EMP3: variants seen among roughly 807,000 people sequenced by gnomAD.
The protein encoded by EMP3 is epithelial membrane protein 3.
Under a neutral mutation model 21.6 loss-of-function variants are expected in EMP3, and 15 were observed. The observed-to-expected ratio is 0.69, with a 90% CI of 0.46 to 1.07. The LOEUF (loss-of-function observed/expected upper bound fraction) is 1.07, where lower values mean the gene tolerates loss of function less well. Ranked by LOEUF, EMP3 falls within the 50% of genes least tolerant of loss-of-function variation. EMP3 has a pLI of 0.00. For missense variants in EMP3, 183 were observed against 206.6 expected, an observed-to-expected ratio of 0.89 and a Z score of 0.70; for synonymous variants, 107 against 86.1, an observed-to-expected ratio of 1.24 and a Z score of -1.34.
chr19:48,327,978 TGCATTTTTA>T (rs1969152576), intron 3 of EMP3, among the ~76,000 whole-genome samples: 1 of 151,996 alleles, frequency 6.6e-6, no homozygotes, highest in African/African-American at 2.4e-5. Flanking sequence ...TGGCTAATTT[TGCATTTTTA>T]GTAGAGACAG....
intron 3 of EMP3, among the ~76,000 whole-genome samples, chr19:48,328,194 G>A (rs1315798640): frequency 2.0e-5 from 3 of 151,954 alleles, no homozygotes; most frequent in South Asian, 2.1e-4. Flanking sequence ...GGTAGATCAC[G>A]AGGCCAGGAG....
chr19:48,328,069 G>A (rs928849048), intron 3 of EMP3, among the ~76,000 whole-genome samples: 3 of 152,086 alleles, frequency 2.0e-5, no homozygotes, highest in Non-Finnish European at 2.9e-5. Flanking sequence ...GCCTCCCAAA[G>A]TGCTGAGATT....
intron 1 of EMP3, among the ~76,000 whole-genome samples, chr19:48,326,492 A>AT (rs1569016990): frequency 9.1e-6 from 1 of 109,974 alleles, no homozygotes; most frequent in Non-Finnish European, 2.0e-5. Context: ...CTTTATGCCA[A>AT]ATTTTTTTTT....
chr19:48,329,568 G>A lies in EMP3; in HGVS notation c.322+76G>A, dbSNP rs1026540191. 4.7e-5 allele frequency: 74 copies of A among 1,565,644 alleles called. No homozygotes were observed. The highest frequency in any genetic ancestry group is 6.1e-5 in the Non-Finnish European group (70 of 1,151,786). On this transcript the variant is annotated intron_variant, in intron 4 of 4. Transcript: ENST00000270221. The surrounding 1 kb of genome is among the most constrained non-coding windows in gnomAD (Gnocchi z 4.5). ...GAGTGGGGTGTGTCAAGATGCTGGGGGCCCTGAGAATGGGCCTCTCGTAGA... is the reference window on the plus strand; with the variant it reads ...GAGTGGGGTGTGTCAAGATGCTGGGAGCCCTGAGAATGGGCCTCTCGTAGA...
Position 48,327,633 on chromosome 19 carries a change from G to A in EMP3, c.181+10G>A. On this transcript the variant is annotated intron_variant, in intron 3 of 4. Coordinates refer to ENST00000270221, the MANE Select transcript of EMP3 (RefSeq NM_001425.3). ...AATGTCAGCGAGAATGGTGAGGGGT[G>A]AGGGCGGCGGGACTGGTCTTCAAAG... 6.2e-7 allele frequency: 1 copy of A among 1,611,696 alleles called. No homozygotes were observed. The highest frequency in any genetic ancestry group is 8.5e-7 in the Non-Finnish European group (1 of 1,178,546).
In EMP3 at chr19:48,329,386, C is replaced by G; in HGVS notation, c.216C>G (p.Leu72=). The change falls in exon 4 of 5, where the codon CTC becomes CTG. Residue 72 remains leucine, a synonymous_variant. Coordinates refer to ENST00000270221, the MANE Select transcript of EMP3 (RefSeq NM_001425.3). The surrounding 1 kb of genome is among the most constrained non-coding windows in gnomAD (Gnocchi z 4.5). Reference sequence around the variant, plus strand: ...AGGCGGTGCAGGTCCTCATGGTGCTCTCCCTCATTCTCTGCTGTCTCTCCT... The same window carrying G: ...AGGCGGTGCAGGTCCTCATGGTGCTGTCCCTCATTCTCTGCTGTCTCTCCT... The part of the protein sequence containing the change: ...WLKAVQVLMV[L]SLILCCLSFI... 1.2e-6 allele frequency: 2 copies of G among 1,614,102 alleles called. No individual in the cohort carries two copies. Among genetic ancestry groups the G allele is most frequent in the Non-Finnish European group, 1.7e-6 (2 of 1,180,022 alleles).
intron 2 of EMP3, 61 bp from the exon 3 acceptor site, chr19:48,327,460 C>T (rs1201184124): frequency 4.0e-5 from 51 of 1,288,450 alleles, no homozygotes; most frequent in Non-Finnish European, 5.7e-5. Flanking sequence ...CACAGTCTGC[C>T]TGACCCTATC....
chr19:48,327,933 G>A (rs1261744462), intron 3 of EMP3: 6 of 319,172 alleles, frequency 1.9e-5, no homozygotes, highest in South Asian at 6.6e-5. Context: ...TCAGCCTCCC[G>A]AGTAGCTGGG....
At position 48,329,055 on chromosome 19, in the gene EMP3, G is replaced by C. The variant is rs139093169; in HGVS notation, c.182-297G>C. 6.6e-6 allele frequency among the ~76,000 whole-genome samples: 1 copy of C among 152,264 alleles called. No homozygotes were observed. The highest frequency in any genetic ancestry group is 2.4e-5 in the African/African-American group (1 of 41,554). On this transcript the variant is annotated intron_variant, in intron 3 of 4. Transcript: ENST00000270221. The surrounding 1 kb of genome is among the most constrained non-coding windows in gnomAD (Gnocchi z 4.5). ...GAGAATTTCTTGAGCCCTGAAGGAC[G>C]AGGCTGCAGTGAGCCATGATTATAC...
Position 48,330,273 on chromosome 19 carries a change from C to T in EMP3, c.323-28C>T, listed in dbSNP as rs1435907649. 2.6e-6 allele frequency: 4 copies of T among 1,554,626 alleles called. No individual in the cohort carries two copies. The Admixed American group carries it at 5.9e-5, about 23-fold the overall frequency. ...GAAATGTAGTCTTGAGGGGGCACTG[C>T]ATGACGTGTGGTTTTCATCTTCCGC... On this transcript the variant is annotated intron_variant, in intron 4 of 4. Coordinates refer to ENST00000270221, the MANE Select transcript of EMP3 (RefSeq NM_001425.3).
At position 48,329,656 on chromosome 19, in the gene EMP3, C is replaced by T. The variant is rs1409622746; in HGVS notation, c.322+164C>T. ...TGCCTCCGTGGGCTACATCTCTGCC[C>T]CCAGGGATTGCTGGGACTTGTAGTT... On this transcript the variant is annotated intron_variant, in intron 4 of 4. Coordinates refer to ENST00000270221, the MANE Select transcript of EMP3 (RefSeq NM_001425.3). This position sits in a 1 kb window ranked among gnomAD's most constrained non-coding sequence, Gnocchi z 4.5. 6.6e-6 allele frequency among the ~76,000 whole-genome samples: 1 copy of T among 152,164 alleles called. No individual in the cohort carries two copies. The highest frequency in any genetic ancestry group is 1.5e-5 in the Non-Finnish European group (1 of 68,026).
Position 48,327,631 on chromosome 19 carries a change from G to T in EMP3, c.181+8G>T. The T allele has an allele frequency of 6.2e-7, 1 of 1,612,794 alleles. No individual in the cohort carries two copies. The highest frequency in any genetic ancestry group is 8.5e-7 in the Non-Finnish European group (1 of 1,179,288). On this transcript the variant is annotated splice_region_variant and intron_variant, in intron 3 of 4. Transcript: ENST00000270221. ...GTAATGTCAGCGAGAATGGTGAGGG[G>T]TGAGGGCGGCGGGACTGGTCTTCAA... is the stretch of plus-strand genomic sequence containing the variant.
In EMP3 at chr19:48,325,569, A is replaced by C. The variant is rs1969110289; in HGVS notation, c.-57A>C. ...CGGGGCACGGAGGCCCGAGCGAGGG[A>C]CAAGACTCCGACTCCAGCTCTGACT... On this transcript the variant is annotated 5_prime_UTR_variant, in exon 1 of 5. Transcript: ENST00000270221. 6.6e-6 allele frequency: 1 copy of C among 152,180 alleles called. No individual in the cohort carries two copies. The highest frequency in any genetic ancestry group is 2.4e-5 in the African/African-American group (1 of 41,516). 9.4% of individuals were successfully genotyped at this position (152,180 alleles called of 1,614,324 possible).
intron 3 of EMP3, 23 bp downstream of exon 3, chr19:48,327,646 C>T: frequency 6.2e-7 from 1 of 1,602,148 alleles, no homozygotes; most frequent in Non-Finnish European, 8.5e-7. Context: ...GGCGGCGGGA[C>T]TGGTCTTCAA....
Position 48,329,927 on chromosome 19 carries a change from T to C in EMP3, c.323-374T>C, listed in dbSNP as rs1394767545. 1.3e-5 allele frequency among the ~76,000 whole-genome samples: 2 copies of C among 152,146 alleles called. No individual in the cohort carries two copies. Among genetic ancestry groups the C allele is most frequent in the Non-Finnish European group, 2.9e-5 (2 of 68,044 alleles). On this transcript the variant is annotated intron_variant, in intron 4 of 4. Coordinates refer to ENST00000270221, the MANE Select transcript of EMP3 (RefSeq NM_001425.3). The surrounding 1 kb of genome is among the most constrained non-coding windows in gnomAD (Gnocchi z 4.5). ...TGTGCATCAGATACTTCAAGAAGTT[T>C]TGCGTACTTTTTAATTTTTTGACTT... is the stretch of plus-strand genomic sequence containing the variant.
In EMP3 at chr19:48,330,154, G is replaced by C. The variant is rs533848771; in HGVS notation, c.323-147G>C. 8 of 1,177,566 alleles carry C rather than the reference G, an allele frequency of 6.8e-6. No homozygotes were observed. In the South Asian group the frequency reaches 1.2e-4, roughly 18 times the overall value. The allele number at this position is 1,177,566 out of a possible 1,614,324, so 72.9% of individuals were successfully genotyped here. ...ACCTAAGGCCGCGCTACAGTTGCACGGCGCTGGGCGGGGGGGAAAGAACCA... is the reference window on the plus strand; with the variant it reads ...ACCTAAGGCCGCGCTACAGTTGCACCGCGCTGGGCGGGGGGGAAAGAACCA... On this transcript the variant is annotated intron_variant, in intron 4 of 4. Coordinates refer to ENST00000270221, the MANE Select transcript of EMP3 (RefSeq NM_001425.3).
chr19:48,326,209 G>T (rs561086128), intron 1 of EMP3, among the ~76,000 whole-genome samples: 1 of 152,142 alleles, frequency 6.6e-6, no homozygotes, highest in South Asian at 2.1e-4. Context: ...GTTGCTGGGG[G>T]CAGCTCCTCA....
At chr19:48,327,926 G>C (rs1969151499) in intron 3 of EMP3, 2 of 330,654 alleles carry the variant, frequency 6.0e-6, no homozygotes, top group Admixed American at 4.5e-5. Context: ...TCCTGCCTCA[G>C]CCTCCCGAGT....
chr19:48,330,215 C>T (rs1969183320), intron 4 of EMP3, 86 bp from the exon 5 acceptor site: 3 of 1,461,656 alleles, frequency 2.1e-6, no homozygotes, highest in Non-Finnish European at 2.7e-6. Context: ...CCCACGGGCC[C>T]TCCGGCGCTT....
Sources: allele counts gnomAD v4.1 joint callset (sites outside exome capture counted in the v4.1 genomes callset), GRCh38; gene constraint gnomAD v4.1.1; non-coding constraint Gnocchi (gnomAD v3.1); transcripts MANE v1.5; gene names NCBI Gene and HGNC (gene_info 2026-07-23, HGNC 2026-07-21).